ANO10: variants seen among roughly 807,000 people sequenced by gnomAD.
ANO10 encodes anoctamin 10.
ANO10 carries 77 observed loss-of-function variants against 74.7 expected under a neutral mutation model. The observed-to-expected ratio is 1.03, with a 90% CI of 0.86 to 1.25. The LOEUF (loss-of-function observed/expected upper bound fraction) is 1.25. Among genes scored for constraint, ANO10 ranks in the 50% most tolerant of loss-of-function variants. The pLI, the probability that ANO10 is intolerant of heterozygous loss-of-function variation, is 0.00. For missense variants in ANO10, 721 were observed against 778.1 expected (o/e 0.93, Z 0.87); for synonymous variants, 279 against 284.9 (o/e 0.98, Z 0.21).
At chr3:43,388,003 T>C (rs2092172855) in intron 12 of ANO10, among the ~76,000 whole-genome samples, 1 of 152,168 alleles carries the variant, frequency 6.6e-6, no homozygotes, top group African/African-American at 2.4e-5. Context: ...CTTAGAGGAA[T>C]AGGTTATAAT....
At chr3:43,538,529 ATGG>A (rs2078816502) in intron 11 of ANO10, among the ~76,000 whole-genome samples, 2 of 152,336 alleles carry the variant, frequency 1.3e-5, no homozygotes, top group South Asian at 4.1e-4. Context: ...AACAATTACT[ATGG>A]CAGCTTTGTA....
chr3:43,579,656 T>C (rs1196970459), intron 5 of ANO10, among the ~76,000 whole-genome samples: 1 of 151,790 alleles, frequency 6.6e-6, no homozygotes, highest in African/African-American at 2.4e-5. Context: ...GAGGTGGAGG[T>C]TGCAGTGAGG....
At chr3:43,690,733 G>A (rs559021508) in intron 1 of ANO10, 3 of 420,662 alleles carry the variant, frequency 7.1e-6, no homozygotes, top group African/African-American at 6.2e-5. Context: ...AGTCCCTCTG[G>A]GCTGACTGTC....
At chr3:43,625,639 G>A (rs1267378554), upstream of ANO10, among the ~76,000 whole-genome samples, 1 of 152,166 alleles carries the variant, frequency 6.6e-6, no homozygotes, top group East Asian at 1.9e-4. Context: ...AGGTTAAAGA[G>A]ACATTTGTCT....
intron 12 of ANO10, 77 bp from the exon 13 acceptor site, chr3:43,367,051 C>T (rs1341063898): frequency 1.5e-5 from 21 of 1,417,656 alleles, no homozygotes; most frequent in Non-Finnish European, 1.9e-5. Flanking sequence ...TCTGTGGAAG[C>T]CTGGCCAGCG....
intron 4 of ANO10, among the ~76,000 whole-genome samples, chr3:43,592,910 C>A (rs886588931): frequency 6.6e-6 from 1 of 152,118 alleles, no homozygotes; most frequent in African/African-American, 2.4e-5. Context: ...AAGAGAAGAC[C>A]TTAAATGACC....
At chr3:43,652,766 A>G (rs1367207394) in intron 1 of ANO10, among the ~76,000 whole-genome samples, 1 of 151,882 alleles carries the variant, frequency 6.6e-6, no homozygotes, top group African/African-American at 2.4e-5. Flanking sequence ...TTATCAAGGC[A>G]AAATATAAAA....
At chr3:43,589,933 C>A (rs2081649441) in intron 4 of ANO10, among the ~76,000 whole-genome samples, 1 of 152,136 alleles carries the variant, frequency 6.6e-6, no homozygotes, top group African/African-American at 2.4e-5. Context: ...CCCCATTTGT[C>A]TGAACATGTC....
intron 11 of ANO10, among the ~76,000 whole-genome samples, chr3:43,507,012 A>C (rs2149167851): frequency 6.6e-6 from 1 of 152,326 alleles, no homozygotes; most frequent in South Asian, 2.1e-4. Flanking sequence ...AGTGTCTCGC[A>C]TCAAGTAGGT....
intron 11 of ANO10, among the ~76,000 whole-genome samples, chr3:43,532,210 G>A (rs1488917202): frequency 6.6e-6 from 1 of 152,186 alleles, no homozygotes; most frequent in Non-Finnish European, 1.5e-5. Flanking sequence ...TAAATAAAGA[G>A]GCAATAGTCA....
At chr3:43,622,734 GT>G (rs2083446758), upstream of ANO10, among the ~76,000 whole-genome samples, 1 of 151,960 alleles carries the variant, frequency 6.6e-6, no homozygotes, top group Non-Finnish European at 1.5e-5. Flanking sequence ...CTCCCTCAGT[GT>G]TTGCTGGGCT....
chr3:43,527,758 G>A (rs1238517425), intron 11 of ANO10, among the ~76,000 whole-genome samples: 3 of 152,132 alleles, frequency 2.0e-5, no homozygotes, highest in Non-Finnish European at 2.9e-5. Flanking sequence ...GAGATCTAGC[G>A]ATATTGGAAC....
intron 11 of ANO10, among the ~76,000 whole-genome samples, chr3:43,442,945 A>G (rs1412407773): frequency 2.0e-5 from 3 of 152,256 alleles, no homozygotes; most frequent in Admixed American, 2.0e-4. Context: ...TTGTTAAAAG[A>G]TGAGAAAGCA....
At position 43,647,143 on chromosome 3, in the gene ANO10, A is replaced by G. The variant is rs1296849152; in HGVS notation, c.-11-41280T>C. 4.9e-5 allele frequency among the ~76,000 whole-genome samples: 6 copies of G among 123,364 alleles called. 1 individual carries two copies. The South Asian group carries it at 9.1e-4, about 19-fold the overall frequency. 80.9% of individuals were successfully genotyped at this position (123,364 alleles called of 152,430 possible). ...TTCAAAGAACCAGAACCAAAAAGATATGTGTATATATGTGTGTGTGTGTGT... is the reference window on the plus strand; with the variant it reads ...TTCAAAGAACCAGAACCAAAAAGATGTGTGTATATATGTGTGTGTGTGTGT... On this transcript the variant is annotated intron_variant, in intron 1 of 3. Transcript: ENST00000413397.
intron 9 of ANO10, among the ~76,000 whole-genome samples, chr3:43,557,865 G>T (rs2079835056): frequency 6.6e-6 from 1 of 151,754 alleles, no homozygotes; most frequent in African/African-American, 2.4e-5. Flanking sequence ...AACACTTTGG[G>T]AGGCCAAGGT....
chr3:43,456,073 A>G (rs1486250649), intron 11 of ANO10, among the ~76,000 whole-genome samples: 5 of 152,122 alleles, frequency 3.3e-5, no homozygotes, highest in African/African-American at 1.2e-4. Context: ...GACATGCTAC[A>G]TTTGCCTACT....
chr3:43,592,260 A>G (rs1269741948), intron 4 of ANO10, among the ~76,000 whole-genome samples: 1 of 152,228 alleles, frequency 6.6e-6, no homozygotes. Flanking sequence ...TGGTTCTCCC[A>G]GCACGCAGCT....
intron 12 of ANO10, among the ~76,000 whole-genome samples, chr3:43,406,119 C>T (rs2092571300): frequency 6.6e-6 from 1 of 152,184 alleles, no homozygotes; most frequent in African/African-American, 2.4e-5. Context: ...CCACAATTCA[C>T]AGTTCTAGAA....
At chr3:43,666,065 T>C (rs1243454300) in intron 1 of ANO10, among the ~76,000 whole-genome samples, 1 of 152,214 alleles carries the variant, frequency 6.6e-6, no homozygotes, top group Non-Finnish European at 1.5e-5. Flanking sequence ...CATTTAAATT[T>C]AAAATAATAC....
Sources: gnomAD v4.1 joint callset for allele counts (sites outside exome capture counted in the v4.1 genomes callset) on GRCh38, gnomAD v4.1.1 for gene constraint, MANE v1.5 for transcripts, NCBI Gene and HGNC (gene_info 2026-07-23, HGNC 2026-07-21) for gene names.